The following SOX5 variants were observed in gnomAD, a reference collection of about 807,000 sequenced individuals.
The protein encoded by SOX5 is SRY-box transcription factor 5, also known as transcription factor SOX-5.
A neutral mutation model predicts 92.0 loss-of-function variants in SOX5; 9 were observed. That is an observed-to-expected ratio of 0.10 (90% confidence interval 0.06 to 0.17). SOX5 has a LOEUF of 0.17. Among genes scored for constraint, SOX5 ranks in the 10% least tolerant of loss-of-function variants. The probability of loss-of-function intolerance (pLI) is 1.00; values close to 1 mark genes in which losing one functional copy is unlikely to be tolerated. For synonymous variants in SOX5, 344 were observed against 336.3 expected, an observed-to-expected ratio of 1.02 and a Z score of -0.25; for missense variants, 642 against 944.5, an observed-to-expected ratio of 0.68 and a Z score of 4.20.
chr12:23,991,884 G>A (rs1314124890), intron 4 of SOX5, among the ~76,000 whole-genome samples: 3 of 151,758 alleles, frequency 2.0e-5, no homozygotes, highest in Non-Finnish European at 4.4e-5. Flanking sequence ...CTTTAACCTG[G>A]TTTTAATACT....
chr12:24,113,262 A>T (rs1947589847), intron 4 of SOX5, among the ~76,000 whole-genome samples: 1 of 150,594 alleles, frequency 6.6e-6, no homozygotes, highest in Non-Finnish European at 1.5e-5. Flanking sequence ...TCATAAAAAA[A>T]AAAAAAAAAA....
chr12:23,609,428 G>T (rs112583510), intron 8 of SOX5, among the ~76,000 whole-genome samples: 9 of 152,142 alleles, frequency 5.9e-5, no homozygotes, highest in Non-Finnish European at 1.5e-5. Context: ...CTGATCATAG[G>T]AACTTGAATT....
At chr12:24,406,199 G>C (rs998022313) in intron 1 of SOX5, among the ~76,000 whole-genome samples, 1 of 152,160 alleles carries the variant, frequency 6.6e-6, no homozygotes, top group Non-Finnish European at 1.5e-5. Flanking sequence ...AAGCCCAAGA[G>C]GATCAACGGC....
intron 4 of SOX5, among the ~76,000 whole-genome samples, chr12:24,126,449 C>T (rs1949113624): frequency 6.6e-6 from 1 of 152,192 alleles, no homozygotes; most frequent in Non-Finnish European, 1.5e-5. Context: ...CACCCTTATT[C>T]CTCTCTTCAC....
In SOX5 at chr12:23,992,182, T is replaced by C. The variant is rs142627569; in HGVS notation, c.-1-96158A>G. Among the ~76,000 whole-genome samples, 11 of 149,752 alleles carry C rather than the reference T, an allele frequency of 7.3e-5. No homozygotes were observed. In the East Asian group the frequency reaches 2.1e-3, roughly 29 times the overall value. ...CTAAATATGTTTTGAGGAGCTTTGGTCTGGCAACACCCTTAAAGGAAGTTG... is the reference window on the plus strand; with the variant it reads ...CTAAATATGTTTTGAGGAGCTTTGGCCTGGCAACACCCTTAAAGGAAGTTG... On this transcript the variant is annotated intron_variant, in intron 4 of 4. Transcript: ENST00000446891.
chr12:24,135,480 A>G (rs1383528387), intron 4 of SOX5, among the ~76,000 whole-genome samples: 2 of 152,168 alleles, frequency 1.3e-5, no homozygotes, highest in Non-Finnish European at 2.9e-5. Flanking sequence ...TTTTACACAT[A>G]CAGTAAATAA....
At chr12:24,231,945 G>T (rs1318418503) in intron 3 of SOX5, among the ~76,000 whole-genome samples, 1 of 152,158 alleles carries the variant, frequency 6.6e-6, no homozygotes, top group Non-Finnish European at 1.5e-5. Context: ...AAAACAAAAG[G>T]TATTCAGAAA....
At chr12:24,110,812 G>A (rs891268652) in intron 4 of SOX5, among the ~76,000 whole-genome samples, 1 of 146,580 alleles carries the variant, frequency 6.8e-6, no homozygotes. Context: ...GAGGCGGAAG[G>A]ATGGCGTGAA....
At chr12:24,384,179 G>T (rs2136398577) in intron 1 of SOX5, among the ~76,000 whole-genome samples, 1 of 152,126 alleles carries the variant, frequency 6.6e-6, no homozygotes, top group South Asian at 2.1e-4. Flanking sequence ...TTTCATAGCA[G>T]CATGAGAACA....
chr12:24,191,150 T>C (rs895210409), intron 4 of SOX5, among the ~76,000 whole-genome samples: 6 of 152,166 alleles, frequency 3.9e-5, no homozygotes, highest in Admixed American at 3.9e-4. Flanking sequence ...ATAAGCAGTA[T>C]GCATGAGAAG....
At chr12:24,419,145 A>G (rs893108633) in intron 1 of SOX5, among the ~76,000 whole-genome samples, 3 of 152,008 alleles carry the variant, frequency 2.0e-5, no homozygotes, top group African/African-American at 7.2e-5. Context: ...TTTTTAAGAC[A>G]AAGTCTTGCT....
intron 4 of SOX5, among the ~76,000 whole-genome samples, chr12:24,144,204 T>G (rs758030623): frequency 1.3e-4 from 20 of 151,952 alleles, no homozygotes; most frequent in Non-Finnish European, 2.6e-4. Flanking sequence ...GAAAAATAAC[T>G]GACAACCTTG....
intron 7 of SOX5, among the ~76,000 whole-genome samples, chr12:23,652,826 CG>C (rs2081788840): frequency 6.6e-6 from 1 of 152,050 alleles, no homozygotes; most frequent in Admixed American, 6.6e-5. Flanking sequence ...TAACGAAATT[CG>C]TTCTCTCTCT....
At chr12:24,422,758 C>G (rs933240361) in intron 1 of SOX5, among the ~76,000 whole-genome samples, 1 of 152,182 alleles carries the variant, frequency 6.6e-6, no homozygotes, top group African/African-American at 2.4e-5. Context: ...CACCTGTAAT[C>G]TTAGTACTTT....
intron 4 of SOX5, among the ~76,000 whole-genome samples, chr12:24,049,638 GTTTTTTTTTTTTTTTTTTTTTTTT>G (rs527647441): frequency 2.7e-5 from 2 of 73,748 alleles, no homozygotes; most frequent in Non-Finnish European, 4.8e-5. Flanking sequence ...ATCCTTCATA[GTTTTTTTTTTTTTTTTTTTTTTTT>G]TTTTTTTTTT....
rs141576925 is a variant in SOX5 at position 23,777,037 on chromosome 12, A to G, written c.482-21313T>C. Among the ~76,000 whole-genome samples the G allele has an allele frequency of 5.9e-3, 892 of 152,192 alleles. 14 individuals are homozygous for G. Among genetic ancestry groups the G allele is most frequent in the African/African-American group, 0.02 (844 of 41,522 alleles). ...ATTTATTTATTTTCTCTTCCTCCCC[A>G]CTAGAACACAAGTTCTAGGAGAACT... is the stretch of plus-strand genomic sequence containing the variant. On this transcript the variant is annotated intron_variant, in intron 3 of 14. Coordinates refer to ENST00000451604, the MANE Select transcript of SOX5 (RefSeq NM_006940.6).
intron 3 of SOX5, among the ~76,000 whole-genome samples, chr12:23,837,113 C>T (rs1007556607): frequency 4.1e-5 from 6 of 147,238 alleles, no homozygotes; most frequent in Non-Finnish European, 8.9e-5. Context: ...CAAATCATAC[C>T]CTTTGATTAA....
At chr12:24,379,920 C>A (rs544964468) in intron 1 of SOX5, among the ~76,000 whole-genome samples, 72 of 130,764 alleles carry the variant, frequency 5.5e-4, no homozygotes, top group African/African-American at 1.9e-3. Context: ...CTTCCTTTTT[C>A]AAATACCACC....
chr12:23,765,385 CAAAAAAAAA>C (rs373571301), intron 3 of SOX5, among the ~76,000 whole-genome samples: 5 of 31,432 alleles, frequency 1.6e-4, no homozygotes, highest in East Asian at 1.2e-3. Flanking sequence ...TGTAAAACAG[CAAAAAAAAA>C]AAAAAAAAAA....
Sources: allele counts gnomAD v4.1 joint callset (sites outside exome capture counted in the v4.1 genomes callset), GRCh38; gene constraint gnomAD v4.1.1; transcripts MANE v1.5; gene names NCBI Gene and HGNC (gene_info 2026-07-23, HGNC 2026-07-21).